The following SGCB variants were observed in gnomAD, a reference collection of about 807,000 sequenced individuals.
SGCB encodes the protein sarcoglycan beta, also known as beta-sarcoglycan.
Under a neutral mutation model 27.3 loss-of-function variants are expected in SGCB, and 25 were observed. That is an observed-to-expected ratio of 0.92 (90% CI 0.67 to 1.28). The LOEUF (loss-of-function observed/expected upper bound fraction) is 1.28. Ranked by LOEUF, SGCB falls within the 50% of genes most tolerant of loss-of-function variation. SGCB has a pLI of 0.00. For missense variants in SGCB, 436 were observed against 402.1 expected, an observed-to-expected ratio of 1.08 and a Z score of -0.72; for synonymous variants, 147 against 133.5, an observed-to-expected ratio of 1.10 and a Z score of -0.70.
At chr4:52,027,880 C>T (rs1295195054) in intron 5 of SGCB, 88 bp downstream of exon 5, 1 of 1,233,734 alleles carries the variant, frequency 8.1e-7, no homozygotes, top group African/African-American at 1.5e-5. Flanking sequence ...ACAATTATAT[C>T]ATTTTCAATA....
chr4:52,034,375 A>T (rs2109377065), intron 1 of SGCB, among the ~76,000 whole-genome samples: 1 of 131,538 alleles, frequency 7.6e-6, no homozygotes, highest in South Asian at 2.4e-4. Flanking sequence ...AAAAAAAAAA[A>T]AGGGAATGGT....
intron 1 of SGCB, among the ~76,000 whole-genome samples, chr4:52,034,558 T>C (rs2109377270): frequency 6.6e-6 from 1 of 151,974 alleles, no homozygotes; most frequent in Admixed American, 6.6e-5. Context: ...CTGCACCACT[T>C]TATATAAGGG....
At chr4:52,026,261 T>TG (rs1393499594) in intron 5 of SGCB, among the ~76,000 whole-genome samples, 6 of 139,032 alleles carry the variant, frequency 4.3e-5, no homozygotes, top group Admixed American at 4.3e-4. Flanking sequence ...TTTTTTTTTT[T>TG]TTTTTTTTTT....
Position 52,024,049 on chromosome 4 carries a change from T to C in SGCB, c.865A>G (p.Met289Val). Residue 289 changes from methionine to valine, a missense_variant, in exon 6 of 6, where the codon ATG (methionine) becomes GTG (valine). Met to Val is a conservative substitution (Grantham distance 21). Transcript: ENST00000381431. ...TTGAAGAGCGTCCCATCAGCACACA[T>C]GCAGAGCTTGTAGCGTACCCAGTCA... ...SGDWVRYKLC[M>V]CADGTLFKVQ... The C allele has an allele frequency of 6.2e-7, 1 of 1,613,916 alleles. No homozygotes were observed. Among genetic ancestry groups the C allele is most frequent in the South Asian group, 1.1e-5 (1 of 91,066 alleles).
Position 52,034,500 on chromosome 4 carries a change from G to A in SGCB, c.34-860C>T, listed in dbSNP as rs183678283. Among the ~76,000 whole-genome samples, 433 of 151,824 alleles carry A rather than the reference G, an allele frequency of 2.9e-3. 3 individuals are homozygous for A. The highest frequency in any genetic ancestry group is 9.8e-3 in the African/African-American group (405 of 41,422). On this transcript the variant is annotated intron_variant, in intron 1 of 5. Coordinates refer to ENST00000381431, the MANE Select transcript of SGCB (RefSeq NM_000232.5). ...TGTTCAGTGTTGTAAGTAATCTGCA[G>A]ATGGATTTAAAGTATACAGGAGGAT...
At position 52,023,693 on chromosome 4, in the gene SGCB, G is replaced by A. The variant is rs759734565; in HGVS notation, c.*264C>T. 1.5e-4 allele frequency: 62 copies of A among 409,120 alleles called. No individual in the cohort carries two copies. The highest frequency in any genetic ancestry group is 9.6e-4 in the South Asian group (37 of 38,712). 25.3% of individuals were successfully genotyped at this position (409,120 alleles called of 1,614,324 possible). On this transcript the variant is annotated 3_prime_UTR_variant, in exon 6 of 6. Coordinates refer to ENST00000381431, the MANE Select transcript of SGCB (RefSeq NM_000232.5). ...AGGGATAGTGGAATTTTAAAAACAC[G>A]TCTTTAAACATGACTTTTGATTTTA...
At chr4:52,035,111 C>A (rs1737352207) in intron 1 of SGCB, among the ~76,000 whole-genome samples, 1 of 152,136 alleles carries the variant, frequency 6.6e-6, no homozygotes, top group African/African-American at 2.4e-5. Flanking sequence ...TCTTGAATAT[C>A]AAGAGCACAA....
At chr4:52,035,420 G>T (rs1365950418) in intron 1 of SGCB, among the ~76,000 whole-genome samples, 1 of 152,214 alleles carries the variant, frequency 6.6e-6, no homozygotes, top group Non-Finnish European at 1.5e-5. Context: ...AGGATGACCT[G>T]GAGTTGTTAG....
intron 2 of SGCB, among the ~76,000 whole-genome samples, chr4:52,031,125 G>A (rs941726916): frequency 6.6e-6 from 1 of 151,944 alleles, no homozygotes; most frequent in Non-Finnish European, 1.5e-5. Flanking sequence ...TGGCCTTGTT[G>A]TGTCTTTTTA....
intron 2 of SGCB, among the ~76,000 whole-genome samples, chr4:52,031,390 CTCTGTGTGTGTGTGTATG>C (rs1194626186): frequency 9.4e-6 from 1 of 106,624 alleles, no homozygotes; most frequent in African/African-American, 3.1e-5. Context: ...ACCCATTCAT[CTCTGTGTGTGTGTGTATG>C]TGTGTGTGTG....
At chr4:52,029,159 T>C (rs142561125) in intron 3 of SGCB, among the ~76,000 whole-genome samples, 1 of 152,218 alleles carries the variant, frequency 6.6e-6, no homozygotes, top group Non-Finnish European at 1.5e-5. Flanking sequence ...GCATGAGTCA[T>C]GGAGGAACAT....
intron 1 of SGCB, among the ~76,000 whole-genome samples, chr4:52,034,871 T>C (rs1366471829): frequency 1.3e-5 from 2 of 152,222 alleles, no homozygotes; most frequent in African/African-American, 4.8e-5. Flanking sequence ...AAAGGCTACA[T>C]GACCAATGTG....
intron 1 of SGCB, among the ~76,000 whole-genome samples, chr4:52,034,547 A>T (rs911940279): frequency 2.0e-5 from 3 of 151,896 alleles, no homozygotes; most frequent in Non-Finnish European, 4.4e-5. Context: ...ACATGCAAAA[A>T]CTGCACCACT....
intron 1 of SGCB, 106 bp downstream of exon 1, chr4:52,038,121 G>A: frequency 1.2e-6 from 1 of 809,178 alleles, no homozygotes; most frequent in Non-Finnish European, 1.5e-6. Context: ...CCCAGACCCT[G>A]CGGCCCGCGC....
At position 52,023,884 on chromosome 4, in the gene SGCB, G is replaced by T; in HGVS notation, c.*73C>A. 1.7e-6 allele frequency: 2 copies of T among 1,169,078 alleles called. No individual in the cohort carries two copies. Among genetic ancestry groups the T allele is most frequent in the South Asian group, 1.2e-5 (1 of 81,524 alleles). 72.4% of individuals were successfully genotyped at this position (1,169,078 alleles called of 1,614,324 possible). ...ATAATTATGAGTTATCACAAACTCT[G>T]TAAAAACAATGATTTGCATGCATAA... On this transcript the variant is annotated 3_prime_UTR_variant, in exon 6 of 6. Coordinates refer to ENST00000381431, the MANE Select transcript of SGCB (RefSeq NM_000232.5).
intron 1 of SGCB, among the ~76,000 whole-genome samples, chr4:52,034,792 G>C (rs1222991177): frequency 1.3e-5 from 2 of 152,060 alleles, no homozygotes; most frequent in African/African-American, 2.4e-5. Context: ...AAACCCTTTG[G>C]GGGGCTGTAT....
At chr4:52,030,898 T>G (rs1456166244) in intron 2 of SGCB, among the ~76,000 whole-genome samples, 1 of 152,252 alleles carries the variant, frequency 6.6e-6, no homozygotes, top group Non-Finnish European at 1.5e-5. Context: ...GCTTCATATT[T>G]GATTGCTGGA....
chr4:52,034,091 G>T (rs1737320173), intron 1 of SGCB, among the ~76,000 whole-genome samples: 1 of 151,712 alleles, frequency 6.6e-6, no homozygotes, highest in South Asian at 2.1e-4. Flanking sequence ...CAGCACTTTG[G>T]GAGGCTGAGG....
rs1281884191 is a variant in SGCB at position 52,029,811 on chromosome 4, C to G, written c.296G>C (p.Ser99Thr). 6.2e-7 allele frequency: 1 copy of G among 1,613,848 alleles called. No homozygotes were observed. Among genetic ancestry groups the G allele is most frequent in the Non-Finnish European group, 8.5e-7 (1 of 1,179,812 alleles). ...VIRIGPNGCDSMEFHESGLLR... is the reference protein window; with the variant it reads ...VIRIGPNGCDTMEFHESGLLR... The stretch of plus-strand genomic sequence containing the variant: ...CAGGCCACTTTCATGAAACTCCATA[C>G]TATCACAGCCATTTGGTCCAATGCG... Residue 99 changes from serine (S) to threonine (T), a missense_variant, in exon 3 of 6, where the codon AGT becomes ACT. Ser to Thr is a moderately conservative substitution (Grantham distance 58). Transcript: ENST00000381431.
Sources: gnomAD v4.1 joint callset for allele counts (sites outside exome capture counted in the v4.1 genomes callset) on GRCh38, gnomAD v4.1.1 for gene constraint, MANE v1.5 for transcripts, NCBI Gene and HGNC (gene_info 2026-07-23, HGNC 2026-07-21) for gene names.